Variants in UBE2E1 observed in about 807,000 individuals in gnomAD.
UBE2E1 encodes ubiquitin-conjugating enzyme E2 E1.
A neutral mutation model predicts 21.4 loss-of-function variants in UBE2E1; 6 were observed. The observed-to-expected ratio is 0.28, with a 90% CI of 0.15 to 0.55. The LOEUF (loss-of-function observed/expected upper bound fraction) is 0.55, where lower values mean the gene tolerates loss of function less well. Among genes scored for constraint, UBE2E1 ranks in the 20% least tolerant of loss-of-function variants. UBE2E1 has a pLI of 0.93. For missense variants in UBE2E1, 142 were observed against 236.5 expected (o/e 0.60, Z 2.62); for synonymous variants, 87 against 82.7 (o/e 1.05, Z -0.28).
intron 5 of UBE2E1, chr3:23,889,486 C>T (rs567696702): frequency 2.6e-5 from 36 of 1,377,968 alleles, no homozygotes; most frequent in East Asian, 2.2e-4. Context: ...TGAAGACTGA[C>T]GTAAGTTTGC....
chr3:23,838,016 G>GT (rs894880135), intron 3 of UBE2E1, among the ~76,000 whole-genome samples: 4 of 151,612 alleles, frequency 2.6e-5, no homozygotes, highest in African/African-American at 7.3e-5. Context: ...GTGATAGCTG[G>GT]TACAGGACTT....
intron 3 of UBE2E1, among the ~76,000 whole-genome samples, chr3:23,877,865 T>C (rs777826862): frequency 6.6e-6 from 1 of 152,186 alleles, no homozygotes; most frequent in African/African-American, 2.4e-5. Context: ...TACTATGAGA[T>C]AATATCAGGA....
chr3:23,888,984 T>C (rs1174787475), intron 4 of UBE2E1, 128 bp from the exon 5 acceptor site: 9 of 933,342 alleles, frequency 9.6e-6, no homozygotes, highest in Non-Finnish European at 1.2e-5. Flanking sequence ...TAATCAAATT[T>C]ATTGTCTATC....
At chr3:23,845,092 C>T (rs560280248) in intron 3 of UBE2E1, among the ~76,000 whole-genome samples, 1 of 152,246 alleles carries the variant, frequency 6.6e-6, no homozygotes, top group South Asian at 2.1e-4. Flanking sequence ...AGATTAAAAG[C>T]TCACATGTGA....
intron 3 of UBE2E1, among the ~76,000 whole-genome samples, chr3:23,839,339 A>C (rs542640944): frequency 1.3e-5 from 2 of 151,986 alleles, no homozygotes; most frequent in South Asian, 4.1e-4. Context: ...TGACATGCGC[A>C]TGTAGTCTCA....
chr3:23,875,376 G>A (rs537528542), intron 3 of UBE2E1, among the ~76,000 whole-genome samples: 4 of 152,118 alleles, frequency 2.6e-5, no homozygotes, highest in Non-Finnish European at 5.9e-5. Context: ...ACCCCCTAGA[G>A]ACTTAAATTC....
intron 3 of UBE2E1, among the ~76,000 whole-genome samples, chr3:23,825,774 A>G (rs766254571): frequency 1.1e-4 from 17 of 152,178 alleles, no homozygotes; most frequent in Admixed American, 2.6e-4. Flanking sequence ...TGAGGTAGGC[A>G]GGGGTCAGAT....
In UBE2E1 at chr3:23,842,246, T is replaced by TGTGTGTG. The variant is rs759418034; in HGVS notation, c.203+30739_203+30740insTGTGGTG. ...GTGTGTGTGTGTGTGTGTGTGTGTG[T>TGTGTGTG]GTGGTGTTGTTGTTGTTGGCGACAG... On this transcript the variant is annotated intron_variant, in intron 3 of 5. Transcript: ENST00000306627. The surrounding 1 kb of genome is among the most constrained non-coding windows in gnomAD (Gnocchi z 4.6). Among the ~76,000 whole-genome samples the TGTGTGTG allele has an allele frequency of 3.2e-3, 117 of 36,750 alleles. 1 individual carries two copies. The highest frequency in any genetic ancestry group is 7.5e-3 in the African/African-American group (96 of 12,748). The allele number at this position is 36,750 out of a possible 152,430, so 24.1% of individuals were successfully genotyped here.
intron 3 of UBE2E1, among the ~76,000 whole-genome samples, chr3:23,862,551 G>T (rs1036702101): frequency 6.6e-6 from 1 of 152,066 alleles, no homozygotes; most frequent in South Asian, 2.1e-4. Context: ...TGAATTATGT[G>T]GTGAATCTAT....
At chr3:23,809,570 T>G (rs1024398455) in intron 2 of UBE2E1, among the ~76,000 whole-genome samples, 1 of 152,208 alleles carries the variant, frequency 6.6e-6, no homozygotes, top group Non-Finnish European at 1.5e-5. Context: ...CTCTTGCCAG[T>G]TTTTTGGAAA....
intron 3 of UBE2E1, among the ~76,000 whole-genome samples, chr3:23,819,535 C>G (rs541562744): frequency 2.6e-5 from 4 of 152,248 alleles, no homozygotes; most frequent in African/African-American, 9.6e-5. Context: ...TGTGTTCTTT[C>G]CCAGCAGACT....
intron 3 of UBE2E1, among the ~76,000 whole-genome samples, chr3:23,859,852 C>T (rs1056618248): frequency 5.3e-5 from 8 of 152,120 alleles, no homozygotes; most frequent in African/African-American, 1.9e-4. Context: ...TAGTATTGAA[C>T]AAATACTAAG....
chr3:23,815,317 AT>A, intron 3 of UBE2E1, among the ~76,000 whole-genome samples: 1 of 152,248 alleles, frequency 6.6e-6, no homozygotes, highest in African/African-American at 2.4e-5. Context: ...CAGAATTTCC[AT>A]TTAGCCTTCT....
rs1053423143 is a variant in UBE2E1 at position 23,890,833 on chromosome 3, C to G, written c.*227C>G. On this transcript the variant is annotated 3_prime_UTR_variant, in exon 6 of 6. Coordinates refer to ENST00000306627, the MANE Select transcript of UBE2E1 (RefSeq NM_003341.5). Reference sequence around the variant, plus strand: ...ATTGTCATTAGTTCTGCAATATTAGCTGAAATGTAGTACAGAAAAGAATGT... The same window carrying G: ...ATTGTCATTAGTTCTGCAATATTAGGTGAAATGTAGTACAGAAAAGAATGT... The G allele has an allele frequency of 2.5e-5, 10 of 402,770 alleles. No homozygotes were observed. The highest frequency in any genetic ancestry group is 4.0e-5 in the Non-Finnish European group (9 of 227,432). The allele number at this position is 402,770 out of a possible 1,614,324, so 24.9% of individuals were successfully genotyped here.
At chr3:23,822,082 A>G (rs369830605) in intron 3 of UBE2E1, among the ~76,000 whole-genome samples, 185 of 152,308 alleles carry the variant, frequency 1.2e-3, no homozygotes, top group African/African-American at 3.9e-3. Flanking sequence ...AGACAGAAGG[A>G]AAATCAAGAG....
At chr3:23,855,646 G>T (rs1303334610) in intron 3 of UBE2E1, among the ~76,000 whole-genome samples, 1 of 152,026 alleles carries the variant, frequency 6.6e-6, no homozygotes, top group Non-Finnish European at 1.5e-5. Context: ...TGGCTAACAT[G>T]ATGAAACCCC....
chr3:23,829,460 C>G, intron 3 of UBE2E1, among the ~76,000 whole-genome samples: 1 of 151,968 alleles, frequency 6.6e-6, no homozygotes. Context: ...ACACCCAGAC[C>G]CAGCTGTTTT....
At chr3:23,820,136 A>G (rs1332334519) in intron 3 of UBE2E1, among the ~76,000 whole-genome samples, 5 of 152,230 alleles carry the variant, frequency 3.3e-5, no homozygotes, top group Non-Finnish European at 7.3e-5. Flanking sequence ...GACATCTGAC[A>G]CATCCCATGT....
intron 3 of UBE2E1, among the ~76,000 whole-genome samples, chr3:23,869,320 C>G (rs1312865584): frequency 2.0e-5 from 3 of 150,414 alleles, no homozygotes; most frequent in Admixed American, 2.0e-4. Context: ...GAAAATACCC[C>G]CTCCAACCTT....
Sources: gnomAD v4.1 joint callset for allele counts (sites outside exome capture counted in the v4.1 genomes callset) on GRCh38, gnomAD v4.1.1 for gene constraint, Gnocchi (gnomAD v3.1) non-coding constraint, MANE v1.5 for transcripts, NCBI Gene and HGNC (gene_info 2026-07-23, HGNC 2026-07-21) for gene names.